The following CDH13 variants were observed in gnomAD, a reference collection of about 807,000 sequenced individuals.
CDH13 encodes cadherin-13.
Under a neutral mutation model 63.8 loss-of-function variants are expected in CDH13, and 24 were observed. That is an observed-to-expected ratio of 0.38 (90% CI 0.27 to 0.53). CDH13 has a LOEUF of 0.53. Ranked by LOEUF, CDH13 falls within the 20% of genes least tolerant of loss-of-function variation. The probability of loss-of-function intolerance (pLI) is 0.85; values close to 1 mark genes in which losing one functional copy is unlikely to be tolerated. For synonymous variants in CDH13, 503 were observed against 355.3 expected (o/e 1.42, Z -4.67); for missense variants, 1,049 against 903.1 (o/e 1.16, Z -2.07).
At chr16:82,696,756 T>G (rs144265165) in intron 1 of CDH13, among the ~76,000 whole-genome samples, 29 of 152,274 alleles carry the variant, frequency 1.9e-4, no homozygotes, top group African/African-American at 6.5e-4. Flanking sequence ...TTCCCCAAAT[T>G]TAGTGGCTTA....
chr16:83,067,416 G>T (rs1694634498), intron 3 of CDH13, among the ~76,000 whole-genome samples: 5 of 152,274 alleles, frequency 3.3e-5, no homozygotes, highest in African/African-American at 4.8e-5. Context: ...TCCATAGTTG[G>T]TTGTATCAAG....
chr16:83,422,164 A>T (rs1191391536), intron 6 of CDH13, among the ~76,000 whole-genome samples: 1 of 152,216 alleles, frequency 6.6e-6, no homozygotes, highest in Non-Finnish European at 1.5e-5. Flanking sequence ...TTCCCCTTTA[A>T]TTAGATATTC....
chr16:83,176,383 G>A (rs1342488414), intron 4 of CDH13, among the ~76,000 whole-genome samples: 1 of 151,742 alleles, frequency 6.6e-6, no homozygotes, highest in Non-Finnish European at 1.5e-5. Context: ...GGTGGCAGGT[G>A]CCTGTAATCC....
intron 2 of CDH13, chr16:82,884,122 T>A (rs1182168161): frequency 2.2e-6 from 1 of 450,134 alleles, no homozygotes; most frequent in Admixed American, 2.4e-5. Context: ...TATTGTTGAT[T>A]GAATGCATGT....
chr16:83,770,887 T>A (rs1217035567), intron 11 of CDH13, among the ~76,000 whole-genome samples: 2 of 152,154 alleles, frequency 1.3e-5, no homozygotes, highest in Non-Finnish European at 2.9e-5. Context: ...TCCTGTGACT[T>A]AGAATGCCTT....
intron 8 of CDH13, among the ~76,000 whole-genome samples, chr16:83,627,045 G>A (rs1430715023): frequency 2.6e-5 from 4 of 151,936 alleles, no homozygotes; most frequent in Non-Finnish European, 4.4e-5. Flanking sequence ...CATTTTGGGA[G>A]GCCAAGGCCG....
intron 2 of CDH13, among the ~76,000 whole-genome samples, chr16:82,945,628 C>T (rs920318019): frequency 2.6e-5 from 4 of 152,116 alleles, no homozygotes; most frequent in African/African-American, 9.7e-5. Context: ...GACACCCCTT[C>T]TCATTTGCTG....
intron 1 of CDH13, among the ~76,000 whole-genome samples, chr16:82,775,986 G>A (rs908177623): frequency 2.4e-4 from 37 of 152,162 alleles, no homozygotes; most frequent in Admixed American, 2.2e-3. Flanking sequence ...GAGGCCAGCA[G>A]ATCACTTGAG....
intron 4 of CDH13, among the ~76,000 whole-genome samples, chr16:83,162,490 A>G (rs1440974642): frequency 2.6e-5 from 4 of 152,328 alleles, no homozygotes; most frequent in African/African-American, 4.8e-5. Flanking sequence ...TGAAAATTCA[A>G]TCTGTCTTTC....
rs185611752 is a variant in CDH13, at chr16:82,868,024, T to A, written c.157+9551T>A. Among the ~76,000 whole-genome samples the A allele has an allele frequency of 2.3e-3, 355 of 152,348 alleles. 2 individuals are homozygous for A. The highest frequency in any genetic ancestry group is 8.2e-3 in the African/African-American group (341 of 41,590). On this transcript the variant is annotated intron_variant, in intron 2 of 13. Coordinates refer to ENST00000567109, the MANE Select transcript of CDH13 (RefSeq NM_001257.5). Reference sequence around the variant, plus strand: ...GGTCATTCTTCACACATCCTTTACATATTTTATACAAGCTTGTATTTACTT... The same window carrying A: ...GGTCATTCTTCACACATCCTTTACAAATTTTATACAAGCTTGTATTTACTT...
intron 8 of CDH13, among the ~76,000 whole-genome samples, chr16:83,660,689 A>G (rs564100979): frequency 6.6e-6 from 1 of 152,386 alleles, no homozygotes; most frequent in South Asian, 2.1e-4. Context: ...CAGTGTCTTT[A>G]GAAAGCAGAC....
At chr16:82,836,520 G>A (rs2038775433) in intron 1 of CDH13, among the ~76,000 whole-genome samples, 1 of 152,210 alleles carries the variant, frequency 6.6e-6, no homozygotes, top group Non-Finnish European at 1.5e-5. Context: ...ATGCCAAAGT[G>A]GGTGTATGTA....
At chr16:82,710,552 A>ATATATATATATATATATATAT (rs1555537841) in intron 1 of CDH13, among the ~76,000 whole-genome samples, 1 of 63,774 alleles carries the variant, frequency 1.6e-5, no homozygotes, top group African/African-American at 5.8e-5. Context: ...AAAAAAAAAA[A>ATATATATATATATATATATAT]ATATATATAT....
intron 1 of CDH13, among the ~76,000 whole-genome samples, chr16:82,757,938 C>T (rs1015064733): frequency 1.1e-4 from 16 of 152,080 alleles, no homozygotes; most frequent in African/African-American, 2.7e-4. Context: ...CGTGAGTCAC[C>T]GCACCTGGCC....
At chr16:83,659,428 C>G (rs1381846095) in intron 8 of CDH13, among the ~76,000 whole-genome samples, 1 of 152,262 alleles carries the variant, frequency 6.6e-6, no homozygotes. Flanking sequence ...CCAGCAAGGT[C>G]CCAACACAAG....
At chr16:82,920,802 G>A (rs994809315) in intron 2 of CDH13, among the ~76,000 whole-genome samples, 9 of 152,146 alleles carry the variant, frequency 5.9e-5, no homozygotes, top group African/African-American at 1.2e-4. Context: ...CCTTGTTTCT[G>A]ATGTTAAGTG....
intron 5 of CDH13, among the ~76,000 whole-genome samples, chr16:83,259,160 C>T (rs781359745): frequency 2.6e-5 from 4 of 152,022 alleles, no homozygotes; most frequent in Non-Finnish European, 4.4e-5. Context: ...GGGACAGTCA[C>T]TAAGAAGATG....
intron 2 of CDH13, among the ~76,000 whole-genome samples, chr16:83,008,520 AT>A (rs2151433000): frequency 6.6e-6 from 1 of 152,318 alleles, no homozygotes; most frequent in Non-Finnish European, 1.5e-5. Flanking sequence ...ACAACAAAGT[AT>A]GTTATGGAGA....
At chr16:82,713,228 G>A (rs959179609) in intron 1 of CDH13, among the ~76,000 whole-genome samples, 1 of 152,112 alleles carries the variant, frequency 6.6e-6, no homozygotes, top group African/African-American at 2.4e-5. Flanking sequence ...GCCTGGCCAA[G>A]ACCTATCAAA....
Sources: gnomAD v4.1 joint callset for allele counts (sites outside exome capture counted in the v4.1 genomes callset) on GRCh38, gnomAD v4.1.1 for gene constraint, MANE v1.5 for transcripts, NCBI Gene and HGNC (gene_info 2026-07-23, HGNC 2026-07-21) for gene names.